The following RAD50 variants were observed in gnomAD, a reference collection of about 807,000 sequenced individuals.
RAD50 encodes the protein RAD50 double strand break repair protein.
Under a neutral mutation model 168.8 loss-of-function variants are expected in RAD50, and 132 were observed. That is an observed-to-expected ratio of 0.78 (90% CI 0.68 to 0.90). The LOEUF (loss-of-function observed/expected upper bound fraction) is 0.90. Ranked by LOEUF, RAD50 falls within the 40% of genes least tolerant of loss-of-function variation. RAD50 has a pLI of 0.00. For synonymous variants in RAD50, 525 were observed against 497.4 expected (o/e 1.06, Z -0.74); for missense variants, 1,347 against 1,534.4 (o/e 0.88, Z 2.04).
At chr5:132,604,376 C>T (rs556840104) in intron 15 of RAD50, among the ~76,000 whole-genome samples, 1 of 151,922 alleles carries the variant, frequency 6.6e-6, no homozygotes, top group African/African-American at 2.4e-5. Flanking sequence ...AGTGATTCTC[C>T]TGCCTCACCC....
At chr5:132,594,452 G>C (rs1750754228) in intron 11 of RAD50, among the ~76,000 whole-genome samples, 1 of 152,154 alleles carries the variant, frequency 6.6e-6, no homozygotes, top group Admixed American at 6.5e-5. Context: ...GCAACAAGGA[G>C]GGGGAGGATA....
chr5:132,622,711 T>G (rs1751306366), intron 21 of RAD50, among the ~76,000 whole-genome samples: 1 of 152,238 alleles, frequency 6.6e-6, no homozygotes, highest in African/African-American at 2.4e-5. Flanking sequence ...AGGAGTCTGC[T>G]TCTGCTGTTT....
intron 2 of RAD50, among the ~76,000 whole-genome samples, chr5:132,563,246 G>A (rs1750151793): frequency 6.6e-6 from 1 of 152,164 alleles, no homozygotes; most frequent in African/African-American, 2.4e-5. Flanking sequence ...CATTGATGCA[G>A]GAGAGGGGAT....
At position 132,575,830 on chromosome 5, in the gene RAD50, C is replaced by G. The variant is rs1554097572; in HGVS notation, c.267C>G (p.Val89=). Reference sequence around the variant, plus strand: ...AGATTCGTCTGCAATTTCGTGATGTCAATGGAGAACTTATAGCTGTGCAAA... The same window carrying G: ...AGATTCGTCTGCAATTTCGTGATGTGAATGGAGAACTTATAGCTGTGCAAA... ...RAQIRLQFRD[V]NGELIAVQRS... The change falls in exon 3 of 25, where the codon GTC becomes GTG. Residue 89 remains valine (V), a synonymous_variant. Coordinates refer to ENST00000378823, the MANE Select transcript of RAD50 (RefSeq NM_005732.4). The G allele has an allele frequency of 6.2e-7, 1 of 1,601,858 alleles. No homozygotes were observed. The highest frequency in any genetic ancestry group is 1.3e-5 in the African/African-American group (1 of 74,588).
intron 21 of RAD50, among the ~76,000 whole-genome samples, chr5:132,629,616 G>T (rs1561655443): frequency 6.6e-6 from 1 of 152,106 alleles, no homozygotes; most frequent in East Asian, 1.9e-4. Flanking sequence ...GCAAACAGTG[G>T]CCTTCTCAAG....
intron 24 of RAD50, chr5:132,641,857 T>G (rs2214370): frequency 0.052 from 15,500 of 296,930 alleles, 2,063 homozygotes; most frequent in African/African-American, 0.29. Context: ...GTTTGGATAT[T>G]AAGGAAAACT....
intron 21 of RAD50, among the ~76,000 whole-genome samples, chr5:132,620,109 G>A (rs1303067440): frequency 6.6e-6 from 1 of 151,756 alleles, no homozygotes; most frequent in Non-Finnish European, 1.5e-5. Flanking sequence ...GTTTCACCGT[G>A]TTAGCCAGGA....
At chr5:132,564,392 C>T (rs1226814573) in intron 2 of RAD50, among the ~76,000 whole-genome samples, 1 of 152,194 alleles carries the variant, frequency 6.6e-6, no homozygotes, top group Non-Finnish European at 1.5e-5. Context: ...AAGAGACTGG[C>T]AGCATTGTGC....
chr5:132,566,959 C>A (rs755476297), intron 2 of RAD50, among the ~76,000 whole-genome samples: 4 of 152,226 alleles, frequency 2.6e-5, no homozygotes, highest in Admixed American at 6.5e-5. Context: ...CTGCTTTGTA[C>A]TCCCAGATTA....
intron 21 of RAD50, among the ~76,000 whole-genome samples, chr5:132,628,766 G>C (rs1022093658): frequency 1.4e-4 from 21 of 152,132 alleles, no homozygotes; most frequent in Admixed American, 1.2e-3. Flanking sequence ...AGAATCGCCT[G>C]AACCCGGGAG....
intron 16 of RAD50, among the ~76,000 whole-genome samples, chr5:132,606,619 T>C (rs528833048): frequency 1.3e-5 from 2 of 152,308 alleles, no homozygotes; most frequent in Non-Finnish European, 2.9e-5. Flanking sequence ...ACTCATTTTA[T>C]AAGGCCAGCA....
chr5:132,640,858 C>T, intron 24 of RAD50, 53 bp downstream of exon 24: 1 of 1,610,816 alleles, frequency 6.2e-7, no homozygotes, highest in Non-Finnish European at 8.5e-7. Flanking sequence ...CATTTGGGGA[C>T]AGGTTGTGAT....
rs993074917 is a variant in RAD50, at chr5:132,603,154, T to C, written c.2208-146T>C. 56 of 750,124 alleles carry C rather than the reference T, an allele frequency of 7.5e-5. No individual in the cohort carries two copies. In the East Asian group the frequency reaches 1.4e-3, roughly 18 times the overall value. 46.5% of individuals were successfully genotyped at this position (750,124 alleles called of 1,614,324 possible). A position where few individuals can be genotyped will look rare whatever the true frequency, so the allele number is the denominator to read the frequency against. ...TTAACATCATCAGTAATAAGACATA[T>C]TGATATCATGATTCCATATCCACTG... On this transcript the variant is annotated intron_variant, in intron 13 of 24. Transcript: ENST00000378823.
At chr5:132,570,210 C>T (rs1031685376) in intron 2 of RAD50, among the ~76,000 whole-genome samples, 11 of 151,978 alleles carry the variant, frequency 7.2e-5, no homozygotes, top group African/African-American at 2.7e-4. Context: ...GCTGTGACAG[C>T]CTGGTGGGGG....
chr5:132,588,905 T>C (rs777676741), intron 8 of RAD50, 25 bp downstream of exon 8: 60 of 1,587,056 alleles, frequency 3.8e-5, no homozygotes, highest in Non-Finnish European at 4.9e-5. Flanking sequence ...ATACAGTATT[T>C]GTTATTTTGT....
rs1020059921 is a variant in RAD50 at position 132,604,496 on chromosome 5, A to G, written c.2525-310A>G. Among the ~76,000 whole-genome samples, 15 of 151,942 alleles carry G rather than the reference A, an allele frequency of 9.9e-5. No individual in the cohort carries two copies. The South Asian group carries it at 2.7e-3, about 27-fold the overall frequency. On this transcript the variant is annotated intron_variant, in intron 15 of 24. Coordinates refer to ENST00000378823, the MANE Select transcript of RAD50 (RefSeq NM_005732.4). ...TTGTCAGGCTGATCTCGAACTCCTG[A>G]CCTCAGGTGATCCACCTGCCTCAGT...
At chr5:132,573,205 T>C (rs552047604) in intron 2 of RAD50, among the ~76,000 whole-genome samples, 1 of 152,326 alleles carries the variant, frequency 6.6e-6, no homozygotes, top group African/African-American at 2.4e-5. Flanking sequence ...ACTGTAGTTC[T>C]GTGTATTACT....
chr5:132,589,539 A>G (rs1261335232), intron 8 of RAD50, 92 bp from the exon 9 acceptor site: 2 of 1,029,452 alleles, frequency 1.9e-6, no homozygotes, highest in East Asian at 2.6e-5. Flanking sequence ...ACTTTTTTGT[A>G]TTTTCTTCAG....
intron 2 of RAD50, among the ~76,000 whole-genome samples, chr5:132,565,293 T>G (rs200264947): frequency 1.2e-4 from 8 of 68,630 alleles, no homozygotes; most frequent in African/African-American, 9.2e-4. Context: ...CAGTTTCAGG[T>G]TTTTTTTTTA....
Sources: gnomAD v4.1 joint callset for allele counts (sites outside exome capture counted in the v4.1 genomes callset) on GRCh38, gnomAD v4.1.1 for gene constraint, MANE v1.5 for transcripts, NCBI Gene and HGNC (gene_info 2026-07-23, HGNC 2026-07-21) for gene names.